DBH: variants seen among roughly 807,000 people sequenced by gnomAD.
DBH encodes the protein dopamine beta-hydroxylase.
Under a neutral mutation model 64.0 loss-of-function variants are expected in DBH, and 49 were observed. The ratio of observed to expected loss-of-function variants is 0.77; its 90% CI spans 0.61 to 0.97. The LOEUF is 0.97. DBH is among the 50% of genes least tolerant of loss of function. The pLI is 0.00. For synonymous variants in DBH, 343 were observed against 347.1 expected (o/e 0.99, Z 0.13); for missense variants, 828 against 826.6 (o/e 1.00, Z -0.02).
chr9:133,652,364 G>C (rs147319581), intron 8 of DBH, 80 bp downstream of exon 8: 1 of 1,528,556 alleles, frequency 6.5e-7, no homozygotes, highest in African/African-American at 1.4e-5. Context: ...CCACCAGAAG[G>C]AGAGGGACAC....
chr9:133,637,714 G>A (rs1832069319), intron 1 of DBH, among the ~76,000 whole-genome samples: 1 of 152,184 alleles, frequency 6.6e-6, no homozygotes, highest in Non-Finnish European at 1.5e-5. Flanking sequence ...ATTCATGAGG[G>A]CAGATGGTGG....
intron 7 of DBH, 81 bp from the exon 8 acceptor site, chr9:133,652,165 G>T: frequency 6.5e-7 from 1 of 1,543,364 alleles, no homozygotes. Flanking sequence ...GGAGGCCTGA[G>T]GGAGGACACA....
intron 9 of DBH, among the ~76,000 whole-genome samples, chr9:133,653,892 G>GAGGA (rs1832280811): frequency 6.6e-6 from 1 of 152,222 alleles, no homozygotes; most frequent in Non-Finnish European, 1.5e-5. Flanking sequence ...CACCTTGCCA[G>GAGGA]TGGATCCGTG....
intron 7 of DBH, 122 bp from the exon 8 acceptor site, chr9:133,652,124 C>G (rs1211051550): frequency 8.7e-7 from 1 of 1,143,458 alleles, no homozygotes; most frequent in Non-Finnish European, 1.3e-6. Flanking sequence ...ACTGTAGAGG[C>G]TGGGGCAAAA....
rs191706546 is a variant in DBH, at chr9:133,645,943, A to G, written c.1024+1623A>G. On this transcript the variant is annotated intron_variant, in intron 5 of 11. Transcript: ENST00000393056. ...AGAGCATTTTTGGCACCCAGGGAAGATGTTAGTATCTGTACCACCCTCTTG... is the reference window on the plus strand; with the variant it reads ...AGAGCATTTTTGGCACCCAGGGAAGGTGTTAGTATCTGTACCACCCTCTTG... Among the ~76,000 whole-genome samples, 642 of 152,288 alleles carry G rather than the reference A, an allele frequency of 4.2e-3. 6 individuals are homozygous for G. The highest frequency in any genetic ancestry group is 0.015 in the African/African-American group (609 of 41,554).
At chr9:133,638,838 G>A (rs1832081852) in intron 1 of DBH, among the ~76,000 whole-genome samples, 1 of 152,158 alleles carries the variant, frequency 6.6e-6, no homozygotes, top group Non-Finnish European at 1.5e-5. Flanking sequence ...GCTTGTTGGG[G>A]AAGGCTCCTC....
intron 6 of DBH, among the ~76,000 whole-genome samples, chr9:133,650,105 G>A (rs751961661): frequency 6.6e-6 from 1 of 152,278 alleles, no homozygotes; most frequent in Non-Finnish European, 1.5e-5. Flanking sequence ...GGCCAGGGTC[G>A]GCCTCTGGGG....
At chr9:133,654,534 C>T (rs1027992555) in intron 9 of DBH, 3 of 152,262 alleles carry the variant, frequency 2.0e-5, no homozygotes, top group African/African-American at 7.2e-5. Context: ...CCTTGGATTT[C>T]AGGTGACAAG....
chr9:133,642,301 G>T lies in DBH; in HGVS notation c.581G>T (p.Arg194Met), dbSNP rs772836669. 6.2e-7 allele frequency: 1 copy of T among 1,614,032 alleles called. No homozygotes were observed. Among genetic ancestry groups the T allele is most frequent in the African/African-American group, 1.3e-5 (1 of 74,936 alleles). ...TCGGGCCTGCAGATGGGGCTGCAGA[G>T]GGTGCAGCTCCTGAAGCCCAATATC... The part of the protein sequence containing the change: ...NGSGLQMGLQ[R>M]VQLLKPNIPE... The change falls in exon 3 of 12, where the codon AGG becomes ATG. Residue 194 changes from arginine to methionine, a missense_variant. Coordinates refer to ENST00000393056, the MANE Select transcript of DBH (RefSeq NM_000787.4).
rs2797848 is a variant in DBH, at chr9:133,636,688, A to C, written c.317A>C (p.Asp106Ala). 7 of 1,604,608 alleles carry C rather than the reference A, an allele frequency of 4.4e-6. No individual in the cohort carries two copies. The highest frequency in any genetic ancestry group is 5.9e-6 in the Non-Finnish European group (7 of 1,179,942). ...ENADLVVLWT[D>A]GDTAYFADAW... Reference sequence around the variant, plus strand: ...GCAGATCTCGTGGTGCTCTGGACCGATGGGGACACTGCCTATTTTGCGGTG... The same window carrying C: ...GCAGATCTCGTGGTGCTCTGGACCGCTGGGGACACTGCCTATTTTGCGGTG... The change falls in exon 1 of 12, where the codon GAT (aspartate) becomes GCT (alanine). Residue 106 changes from aspartate to alanine, a missense_variant. By Grantham distance (126) the Asp-to-Ala change is moderately radical (BLOSUM62 -2). Transcript: ENST00000393056.
Position 133,657,124 on chromosome 9 carries a change from C to T in DBH, c.1617C>T (p.Phe539=), listed in dbSNP as rs2131295500. ...CTCAGGCGTCCGTGTCTCAGCAGTT[C>T]ACCTCTGTTCCCTGGAACTCCTTCA... The part of the protein sequence containing the change: ...TCPQASVSQQ[F]TSVPWNSFNR... The change falls in exon 11 of 12, where the codon TTC becomes TTT. Residue 539 remains phenylalanine, a synonymous_variant. Transcript: ENST00000393056. The T allele has an allele frequency of 6.2e-7, 1 of 1,614,094 alleles. No homozygotes were observed. The highest frequency in any genetic ancestry group is 8.5e-7 in the Non-Finnish European group (1 of 1,180,014).
rs1405949387 is a variant in DBH, at chr9:133,656,423, G to A, written c.1435-100G>A. Reference sequence around the variant, plus strand: ...CATGCCTGGCACGGTGCAGTGAACAGACGAGTGGACGCAGTGTACACGTGG... The same window carrying A: ...CATGCCTGGCACGGTGCAGTGAACAAACGAGTGGACGCAGTGTACACGTGG... On this transcript the variant is annotated intron_variant, in intron 9 of 11. Transcript: ENST00000393056. The A allele has an allele frequency of 3.3e-6, 5 of 1,538,342 alleles. No individual in the cohort carries two copies. In the African/African-American group the frequency reaches 6.8e-5, roughly 21 times the overall value.
intron 9 of DBH, among the ~76,000 whole-genome samples, chr9:133,653,798 G>T (rs1832279724): frequency 6.6e-6 from 1 of 152,244 alleles, no homozygotes. Flanking sequence ...TCACGCAGCG[G>T]GGCTGCTTCC....
At chr9:133,656,822 G>A (rs548923511) in intron 10 of DBH, among the ~76,000 whole-genome samples, 172 bp downstream of exon 10, 79 of 152,294 alleles carry the variant, frequency 5.2e-4, no homozygotes, top group Middle Eastern at 6.8e-3. Context: ...TCTGGATTTG[G>A]CTTCAGAGCC....
intron 11 of DBH, 170 bp downstream of exon 11, chr9:133,657,399 A>AGAGAGAGAG (rs1832338795): frequency 7.5e-6 from 4 of 534,152 alleles, no homozygotes; most frequent in East Asian, 4.8e-5. Context: ...GCCAGCCAGC[A>AGAGAGAGAG]GAGAGAGAGG....
rs1172263621 is a variant in DBH at position 133,639,827 on chromosome 9, C to T, written c.340-19C>T. 1 of 1,605,742 alleles carries T rather than the reference C, an allele frequency of 6.2e-7. No homozygotes were observed. Among genetic ancestry groups the T allele is most frequent in the Admixed American group, 1.7e-5 (1 of 59,204 alleles). ...GGCTTGGCTCCTTCATGCCTGGAGC[C>T]CAGTGCTTGTCTCTGCAGGACGCCT... On this transcript the variant is annotated intron_variant, in intron 1 of 11. Coordinates refer to ENST00000393056, the MANE Select transcript of DBH (RefSeq NM_000787.4).
At chr9:133,644,830 G>A (rs1832162557) in intron 5 of DBH, among the ~76,000 whole-genome samples, 1 of 152,164 alleles carries the variant, frequency 6.6e-6, no homozygotes, top group Middle Eastern at 3.2e-3. Flanking sequence ...AGTGAGCAGG[G>A]TCAGCTTTTA....
chr9:133,640,776 C>A (rs898671904), intron 2 of DBH, among the ~76,000 whole-genome samples: 7 of 152,230 alleles, frequency 4.6e-5, no homozygotes, highest in Admixed American at 2.0e-4. Flanking sequence ...AGAGAAGGGG[C>A]ACCTGTGCCG....
At chr9:133,647,104 C>G (rs1327484180) in intron 5 of DBH, among the ~76,000 whole-genome samples, 1 of 152,308 alleles carries the variant, frequency 6.6e-6, no homozygotes, top group African/African-American at 2.4e-5. Flanking sequence ...GGGGGCTAGA[C>G]CTGCAACGCT....
Sources: allele counts gnomAD v4.1 joint callset (sites outside exome capture counted in the v4.1 genomes callset), GRCh38; gene constraint gnomAD v4.1.1; transcripts MANE v1.5; gene names NCBI Gene and HGNC (gene_info 2026-07-23, HGNC 2026-07-21).